Variants in PLCL2 observed in about 807,000 individuals in gnomAD.
PLCL2 encodes the protein phospholipase C like 2.
Under a neutral mutation model 79.6 loss-of-function variants are expected in PLCL2, and 4 were observed. The observed-to-expected ratio is 0.05, with a 90% CI of 0.02 to 0.11. The LOEUF (loss-of-function observed/expected upper bound fraction) is 0.11. PLCL2 is among the 10% of genes least tolerant of loss of function. The probability of loss-of-function intolerance (pLI) is 1.00; values close to 1 mark genes in which losing one functional copy is unlikely to be tolerated. For missense variants in PLCL2, 895 were observed against 1,291.0 expected, an observed-to-expected ratio of 0.69 and a Z score of 4.70; for synonymous variants, 484 against 457.7, an observed-to-expected ratio of 1.06 and a Z score of -0.73.
intron 4 of PLCL2, among the ~76,000 whole-genome samples, chr3:17,050,481 C>T (rs1270440618): frequency 6.6e-6 from 1 of 152,028 alleles, no homozygotes; most frequent in Non-Finnish European, 1.5e-5. Flanking sequence ...TTAAAATGGG[C>T]AAAATGTTTA....
chr3:16,947,983 T>C (rs1384642273), intron 1 of PLCL2, among the ~76,000 whole-genome samples: 1 of 152,206 alleles, frequency 6.6e-6, no homozygotes, highest in Non-Finnish European at 1.5e-5. Flanking sequence ...GAAAAACATG[T>C]TTTAATTGTC....
chr3:17,027,655 TCTTC>T lies in PLCL2; in HGVS notation c.3018+12752_3018+12755del, dbSNP rs2064531732. On this transcript the variant is annotated intron_variant, in intron 3 of 5. Coordinates refer to ENST00000615277, the MANE Select transcript of PLCL2 (RefSeq NM_001144382.2). ...TTTTCTCTTTTTCCTTTCTTTCTTT[TCTTC>T]CTTCCTTTCCTTTAAAATGTACTCA... 2.0e-5 allele frequency among the ~76,000 whole-genome samples: 3 copies of T among 152,228 alleles called. No homozygotes were observed. In the South Asian group the frequency reaches 6.2e-4, roughly 32 times the overall value.
intron 1 of PLCL2, among the ~76,000 whole-genome samples, chr3:16,986,911 A>C (rs961791255): frequency 1.3e-5 from 2 of 152,018 alleles, no homozygotes; most frequent in Non-Finnish European, 2.9e-5. Context: ...TACCTAATAC[A>C]TGTTTATGAT....
At chr3:16,951,702 T>A (rs2063654045) in intron 1 of PLCL2, among the ~76,000 whole-genome samples, 1 of 152,162 alleles carries the variant, frequency 6.6e-6, no homozygotes, top group African/African-American at 2.4e-5. Flanking sequence ...TAGTGTATAG[T>A]GCACACATAT....
chr3:17,003,046 TG>T (rs1193914737), intron 1 of PLCL2, among the ~76,000 whole-genome samples: 1 of 152,206 alleles, frequency 6.6e-6, no homozygotes, highest in Non-Finnish European at 1.5e-5. Context: ...TAATCATAGT[TG>T]TTTTAATCTT....
At chr3:16,981,945 C>A (rs191896927) in intron 1 of PLCL2, among the ~76,000 whole-genome samples, 1 of 152,308 alleles carries the variant, frequency 6.6e-6, no homozygotes, top group Admixed American at 6.5e-5. Context: ...TTTCCTTCAT[C>A]TTAAATTATC....
At chr3:16,967,442 T>G (rs569161794) in intron 1 of PLCL2, among the ~76,000 whole-genome samples, 4 of 152,272 alleles carry the variant, frequency 2.6e-5, no homozygotes, top group South Asian at 2.1e-4. Flanking sequence ...TTTTTTGGCT[T>G]TTTAATAGTC....
At chr3:16,948,369 T>TGGG (rs1243878075) in intron 1 of PLCL2, among the ~76,000 whole-genome samples, 1 of 147,686 alleles carries the variant, frequency 6.8e-6, no homozygotes, top group Non-Finnish European at 1.5e-5. Flanking sequence ...GGTCGGGGGT[T>TGGG]GGGGGGACAA....
chr3:17,021,463 G>A (rs2064452191), intron 3 of PLCL2, among the ~76,000 whole-genome samples: 1 of 152,164 alleles, frequency 6.6e-6, no homozygotes, highest in Admixed American at 6.6e-5. Flanking sequence ...CTGGGAGATT[G>A]AGAAACCTTT....
chr3:17,040,960 A>G (rs909031188), intron 3 of PLCL2, among the ~76,000 whole-genome samples: 6 of 151,908 alleles, frequency 3.9e-5, no homozygotes, highest in African/African-American at 1.5e-4. Context: ...TGATGGGGGC[A>G]CAGTTGGCCA....
chr3:17,061,397 A>T (rs1559535981), intron 4 of PLCL2, among the ~76,000 whole-genome samples: 1 of 152,218 alleles, frequency 6.6e-6, no homozygotes, highest in Non-Finnish European at 1.5e-5. Context: ...ACTATATCCC[A>T]GTATAGTTGT....
At position 16,982,676 on chromosome 3, in the gene PLCL2, A is replaced by C. The variant is rs573310360; in HGVS notation, c.328-26998A>C. ...CTTAAGAGCCCCTTAACACAGTGGG[A>C]TATGACTTCCTTTTTAAACAGCATT... On this transcript the variant is annotated intron_variant, in intron 1 of 5. Transcript: ENST00000615277. Among the ~76,000 whole-genome samples the C allele has an allele frequency of 2.5e-4, 38 of 152,260 alleles. No homozygotes were observed. The South Asian group carries it at 7.3e-3, about 29-fold the overall frequency.
At chr3:17,074,160 A>G (rs2065088066) in intron 5 of PLCL2, among the ~76,000 whole-genome samples, 1 of 152,226 alleles carries the variant, frequency 6.6e-6, no homozygotes, top group Non-Finnish European at 1.5e-5. Flanking sequence ...TAAAACTTGA[A>G]AGTCAAAATT....
At chr3:17,021,364 A>C (rs2064450545) in intron 3 of PLCL2, among the ~76,000 whole-genome samples, 1 of 152,212 alleles carries the variant, frequency 6.6e-6, no homozygotes, top group African/African-American at 2.4e-5. Flanking sequence ...AGTGGAAGTG[A>C]AAATAAATGT....
At chr3:17,007,400 T>C (rs1404889328) in intron 1 of PLCL2, among the ~76,000 whole-genome samples, 4 of 152,264 alleles carry the variant, frequency 2.6e-5, no homozygotes, top group African/African-American at 7.2e-5. Flanking sequence ...TCACTCAAAT[T>C]GATGTAATAC....
intron 1 of PLCL2, among the ~76,000 whole-genome samples, chr3:16,897,293 A>T (rs928071876): frequency 6.6e-6 from 1 of 150,674 alleles, no homozygotes; most frequent in African/African-American, 2.5e-5. Context: ...GGTAAAAATT[A>T]TGTCAATTAA....
chr3:16,994,358 A>G (rs1382262729), intron 1 of PLCL2, among the ~76,000 whole-genome samples: 3 of 152,102 alleles, frequency 2.0e-5, no homozygotes, highest in African/African-American at 4.8e-5. Context: ...TAACCCAAGC[A>G]TGGCTTTTAA....
At chr3:17,061,099 A>T (rs1038230677) in intron 4 of PLCL2, among the ~76,000 whole-genome samples, 3 of 152,192 alleles carry the variant, frequency 2.0e-5, no homozygotes, top group African/African-American at 7.2e-5. Flanking sequence ...GCTACATGCT[A>T]TATTTTATTT....
intron 1 of PLCL2, among the ~76,000 whole-genome samples, chr3:16,978,411 C>CT (rs2063947955): frequency 6.6e-6 from 1 of 152,224 alleles, no homozygotes; most frequent in South Asian, 2.1e-4. Flanking sequence ...CAATCCAAAA[C>CT]TTTATTTTTC....
Sources: gnomAD v4.1 joint callset for allele counts (sites outside exome capture counted in the v4.1 genomes callset) on GRCh38, gnomAD v4.1.1 for gene constraint, MANE v1.5 for transcripts, NCBI Gene and HGNC (gene_info 2026-07-23, HGNC 2026-07-21) for gene names.